Variants in GIGYF2 observed in about 807,000 individuals in gnomAD.
GIGYF2 encodes GRB10 interacting GYF protein 2, also known as GRB10-interacting GYF protein 2.
GIGYF2 carries 25 observed loss-of-function variants against 208.1 expected under a neutral mutation model. The ratio of observed to expected loss-of-function variants is 0.12; its 90% CI spans 0.09 to 0.17. The LOEUF (loss-of-function observed/expected upper bound fraction) is 0.17, where lower values mean the gene tolerates loss of function less well. Among genes scored for constraint, GIGYF2 ranks in the 10% least tolerant of loss-of-function variants. GIGYF2 has a pLI of 1.00. For missense variants in GIGYF2, 1,302 were observed against 1,579.4 expected (o/e 0.82, Z 2.98); for synonymous variants, 534 against 543.8 (o/e 0.98, Z 0.25).
chr2:232,720,783 C>T (rs573848055), intron 2 of GIGYF2, among the ~76,000 whole-genome samples: 12 of 152,016 alleles, frequency 7.9e-5, no homozygotes, highest in African/African-American at 2.2e-4. Context: ...TTAGTAGAGA[C>T]GGGGTTTTGC....
At chr2:232,702,301 T>C (rs559225703) in intron 1 of GIGYF2, among the ~76,000 whole-genome samples, 1 of 152,134 alleles carries the variant, frequency 6.6e-6, no homozygotes, top group Admixed American at 6.6e-5. Flanking sequence ...TAGCTGGGCA[T>C]GGTGGTGCAC....
In GIGYF2 at chr2:232,858,387, A is replaced by G. The variant is rs1690649888; in HGVS notation, c.*1527A>G. 2.4e-6 allele frequency: 1 copy of G among 424,820 alleles called. No homozygotes were observed. Among genetic ancestry groups the G allele is most frequent in the African/African-American group, 2.1e-5 (1 of 47,914 alleles). 26.3% of individuals were successfully genotyped at this position (424,820 alleles called of 1,614,324 possible). On this transcript the variant is annotated 3_prime_UTR_variant, in exon 29 of 29. Coordinates refer to ENST00000373563, the MANE Select transcript of GIGYF2 (RefSeq NM_001103146.3). ...CTTCTTGCCTCCCTCCCTTCTAAAC[A>G]TGTGTAATAACTATACAGAGACTGC...
intron 2 of GIGYF2, among the ~76,000 whole-genome samples, chr2:232,730,568 G>C (rs527732873): frequency 2.4e-4 from 35 of 143,616 alleles, no homozygotes; most frequent in Non-Finnish European, 4.6e-4. Context: ...TCATGCCACT[G>C]CACTCCAGCC....
At chr2:232,789,352 G>A (rs1700005377) in intron 9 of GIGYF2, among the ~76,000 whole-genome samples, 1 of 152,184 alleles carries the variant, frequency 6.6e-6, no homozygotes, top group Admixed American at 6.5e-5. Context: ...CAGGTACCTA[G>A]AAGGATAGAT....
At chr2:232,781,322 A>AC (rs1559427073) in intron 8 of GIGYF2, among the ~76,000 whole-genome samples, 34 of 149,716 alleles carry the variant, frequency 2.3e-4, no homozygotes, top group Non-Finnish European at 3.7e-4. Context: ...ACACACACAC[A>AC]ACTTATAAAG....
chr2:232,799,607 C>G (rs937097018), intron 14 of GIGYF2, among the ~76,000 whole-genome samples: 1 of 151,642 alleles, frequency 6.6e-6, no homozygotes, highest in Non-Finnish European at 1.5e-5. Context: ...CATGAAGGTA[C>G]AACTATCTCT....
At chr2:232,776,542 G>T in intron 8 of GIGYF2, 1 of 884,590 alleles carries the variant, frequency 1.1e-6, no homozygotes. Flanking sequence ...TACAAGTCTA[G>T]TTTGTAGGTT....
At chr2:232,768,104 T>A in intron 8 of GIGYF2, 1 of 1,359,680 alleles carries the variant, frequency 7.4e-7, no homozygotes, top group Non-Finnish European at 1.0e-6. Flanking sequence ...TAATTAGCAT[T>A]GAAAAAAGAA....
At chr2:232,700,213 T>C (rs1391291669) in intron 1 of GIGYF2, among the ~76,000 whole-genome samples, 1 of 152,198 alleles carries the variant, frequency 6.6e-6, no homozygotes, top group Non-Finnish European at 1.5e-5. Flanking sequence ...ATAGTGATGG[T>C]AGTGATGAGG....
chr2:232,815,654 G>A lies in GIGYF2; in HGVS notation c.2125G>A (p.Val709Ile), dbSNP rs1412755439. 3.8e-6 allele frequency: 6 copies of A among 1,584,246 alleles called. No individual in the cohort carries two copies. Among genetic ancestry groups the A allele is most frequent in the African/African-American group, 2.7e-5 (2 of 74,302 alleles). Residue 709 changes from valine to isoleucine, a missense_variant, in exon 19 of 29, where the codon GTA becomes ATA. Val to Ile is a conservative substitution (Grantham distance 29, BLOSUM62 3). Coordinates refer to ENST00000373563, the MANE Select transcript of GIGYF2 (RefSeq NM_001103146.3). ...SQPTVWEGGS[V>I]WDLPLDTTTP... ...TCTTACAGTTTGGGAAGGTGGTAGT[G>A]TATGGGATCTTCCTCTGGACACCAC...
chr2:232,756,376 G>A (rs528431642), intron 6 of GIGYF2, 42 bp downstream of exon 6: 8 of 1,034,520 alleles, frequency 7.7e-6, no homozygotes, highest in Non-Finnish European at 1.2e-5. Flanking sequence ...AGGAGGAGGA[G>A]GAGGATAGAG....
intron 8 of GIGYF2, chr2:232,767,028 G>C (rs903500073): frequency 2.0e-5 from 3 of 152,016 alleles, no homozygotes; most frequent in Non-Finnish European, 4.4e-5. Flanking sequence ...TGGACATAAG[G>C]GAAAGGGCTC....
At chr2:232,756,379 GGAT>G in intron 6 of GIGYF2, 45 bp downstream of exon 6, 1 of 1,004,792 alleles carries the variant, frequency 1.0e-6, no homozygotes, top group Non-Finnish European at 1.5e-6. Flanking sequence ...AGGAGGAGGA[GGAT>G]AGAGAACTTA....
chr2:232,766,042 C>T, intron 8 of GIGYF2: 1 of 470,928 alleles, frequency 2.1e-6, no homozygotes, highest in Non-Finnish European at 4.4e-6. Flanking sequence ...AATTTCCGCC[C>T]TTTTTCCATT....
At chr2:232,849,271 TCTC>T (rs1010230124) in intron 27 of GIGYF2, among the ~76,000 whole-genome samples, 16 of 152,062 alleles carry the variant, frequency 1.1e-4, no homozygotes, top group African/African-American at 3.9e-4. Flanking sequence ...TTCAAGCAAT[TCTC>T]CTTCCTCAGA....
At chr2:232,771,595 T>C (rs1467218061) in intron 8 of GIGYF2, among the ~76,000 whole-genome samples, 1 of 152,220 alleles carries the variant, frequency 6.6e-6, no homozygotes, top group Non-Finnish European at 1.5e-5. Context: ...TATTGTTTCT[T>C]TGAATGACAG....
Position 232,787,233 on chromosome 2 carries a change from A to G in GIGYF2, c.616A>G (p.Ile206Val). 1 of 1,614,108 alleles carries G rather than the reference A, an allele frequency of 6.2e-7. No homozygotes were observed. The highest frequency in any genetic ancestry group is 8.5e-7 in the Non-Finnish European group (1 of 1,179,960). The stretch of plus-strand genomic sequence containing the variant: ...ACGCTCAGAAAGTGAAAATTGGCGC[A>G]TCTTTAGAGAGGAACAAAATGGAGA... ...FIRSESENWR[I>V]FREEQNGEDE... Residue 206 changes from isoleucine (I) to valine (V), a missense_variant, in exon 9 of 29, where the codon ATC becomes GTC. Transcript: ENST00000373563.
In GIGYF2 at chr2:232,858,750, G is replaced by T. The variant is rs1294123478; in HGVS notation, c.*1890G>T. ...GGAGGCAGCCATGGCTTCTTTCTCT[G>T]CCAGACCACGTAGCACTGGCTGGTT... On this transcript the variant is annotated 3_prime_UTR_variant, in exon 29 of 29. Transcript: ENST00000373563. 2.8e-6 allele frequency: 1 copy of T among 352,820 alleles called. No homozygotes were observed. The highest frequency in any genetic ancestry group is 7.4e-5 in the East Asian group (1 of 13,526). 21.9% of individuals were successfully genotyped at this position (352,820 alleles called of 1,614,324 possible).
chr2:232,771,966 G>T (rs1344923382), intron 8 of GIGYF2, among the ~76,000 whole-genome samples: 1 of 152,140 alleles, frequency 6.6e-6, no homozygotes, highest in Non-Finnish European at 1.5e-5. Context: ...TTTATAATTA[G>T]CCTATTCAGA....
Sources: allele counts gnomAD v4.1 joint callset (sites outside exome capture counted in the v4.1 genomes callset), GRCh38; gene constraint gnomAD v4.1.1; transcripts MANE v1.5; gene names NCBI Gene and HGNC (gene_info 2026-07-23, HGNC 2026-07-21).